ANKH: variants seen among roughly 807,000 people sequenced by gnomAD.
The protein encoded by ANKH is mineralization regulator ANKH.
Under a neutral mutation model 49.0 loss-of-function variants are expected in ANKH, and 15 were observed. The observed-to-expected ratio is 0.31, with a 90% CI of 0.20 to 0.47. The LOEUF is 0.47. Among genes scored for constraint, ANKH ranks in the 20% least tolerant of loss-of-function variants. The pLI is 1.00. For synonymous variants in ANKH, 273 were observed against 260.0 expected (o/e 1.05, Z -0.48); for missense variants, 429 against 652.0 (o/e 0.66, Z 3.72).
At chr5:14,845,576 G>C (rs1321402999) in intron 1 of ANKH, among the ~76,000 whole-genome samples, 1 of 152,110 alleles carries the variant, frequency 6.6e-6, no homozygotes, top group East Asian at 1.9e-4. Flanking sequence ...AGGGACTTGA[G>C]AGGAAGTTGT....
At chr5:14,847,918 G>A (rs564583426) in intron 1 of ANKH, among the ~76,000 whole-genome samples, 13 of 152,266 alleles carry the variant, frequency 8.5e-5, no homozygotes, top group African/African-American at 2.4e-4. Context: ...TGAGGTGGGC[G>A]GATAACTTGA....
rs148696385 is a variant in ANKH, at chr5:14,750,698, C to T, written c.687+371G>A. ...AAAGCCTGGATCCCTGCTGTAAAAT[C>T]AAACACAATGAAATATAAACTCAAA... On this transcript the variant is annotated intron_variant, in intron 5 of 11. Coordinates refer to ENST00000284268, the MANE Select transcript of ANKH (RefSeq NM_054027.6). Among the ~76,000 whole-genome samples, 964 of 152,306 alleles carry T rather than the reference C, an allele frequency of 6.3e-3. 6 individuals carry two copies. The highest frequency in any genetic ancestry group is 0.021 in the African/African-American group (874 of 41,562).
At chr5:14,845,208 C>T (rs567977173) in intron 1 of ANKH, among the ~76,000 whole-genome samples, 26 of 152,024 alleles carry the variant, frequency 1.7e-4, no homozygotes, top group South Asian at 1.5e-3. Flanking sequence ...CTTTATTTAA[C>T]GAGTATATAT....
At chr5:14,835,333 T>C (rs552340352) in intron 1 of ANKH, among the ~76,000 whole-genome samples, 5 of 152,332 alleles carry the variant, frequency 3.3e-5, no homozygotes, top group Admixed American at 1.3e-4. Context: ...TGGAAGAGTC[T>C]GTTCCATTGT....
intron 1 of ANKH, among the ~76,000 whole-genome samples, chr5:14,867,685 G>T (rs932433960): frequency 2.6e-5 from 4 of 151,982 alleles, no homozygotes; most frequent in African/African-American, 9.6e-5. Context: ...TCAGCCTCCC[G>T]AGTAGCTGGG....
chr5:14,828,587 C>T (rs991089278), intron 1 of ANKH, among the ~76,000 whole-genome samples: 31 of 151,918 alleles, frequency 2.0e-4, no homozygotes, highest in Admixed American at 2.0e-3. Flanking sequence ...TTTCTTTCTT[C>T]TTCTTTTTTT....
At chr5:14,714,986 A>G (rs953058446) in intron 9 of ANKH, among the ~76,000 whole-genome samples, 2 of 152,134 alleles carry the variant, frequency 1.3e-5, no homozygotes, top group African/African-American at 2.4e-5. Context: ...CCCTGTGTCT[A>G]CCCAACAAGT....
At chr5:14,762,912 T>C (rs778165811) in intron 2 of ANKH, among the ~76,000 whole-genome samples, 2 of 152,126 alleles carry the variant, frequency 1.3e-5, no homozygotes, top group South Asian at 2.1e-4. Context: ...TTAAACAAGG[T>C]TTTTGAACAG....
At chr5:14,834,178 C>T (rs1427264446) in intron 1 of ANKH, among the ~76,000 whole-genome samples, 22 of 152,136 alleles carry the variant, frequency 1.4e-4, no homozygotes, top group Non-Finnish European at 1.6e-4. Flanking sequence ...TGTCTGGGCA[C>T]AGACAAGAGC....
chr5:14,743,742 A>G (rs532010058), intron 7 of ANKH, among the ~76,000 whole-genome samples: 37 of 152,332 alleles, frequency 2.4e-4, no homozygotes, highest in African/African-American at 8.9e-4. Flanking sequence ...GAATGCTTGG[A>G]AACAATGGGC....
chr5:14,724,655 A>G, intron 8 of ANKH: 1 of 848,432 alleles, frequency 1.2e-6, no homozygotes, highest in Non-Finnish European at 1.4e-6. Context: ...AGAGTGGGCC[A>G]TGCATGGTCC....
intron 1 of ANKH, among the ~76,000 whole-genome samples, chr5:14,854,404 G>A (rs1478351269): frequency 6.6e-6 from 1 of 152,212 alleles, no homozygotes; most frequent in African/African-American, 2.4e-5. Context: ...TGGTAGCCGG[G>A]CATGGTGGCT....
chr5:14,854,890 C>G (rs532208240), intron 1 of ANKH, among the ~76,000 whole-genome samples: 1 of 152,226 alleles, frequency 6.6e-6, no homozygotes, highest in South Asian at 2.1e-4. Flanking sequence ...TGCCTTTGGT[C>G]TCACCTCCCT....
At chr5:14,717,642 A>G (rs1737520393) in intron 8 of ANKH, among the ~76,000 whole-genome samples, 1 of 152,216 alleles carries the variant, frequency 6.6e-6, no homozygotes, top group South Asian at 2.1e-4. Context: ...TTGACAGGAA[A>G]CAGGAGGTTA....
chr5:14,752,274 C>T (rs1349720908), intron 4 of ANKH, among the ~76,000 whole-genome samples: 2 of 152,118 alleles, frequency 1.3e-5, no homozygotes, highest in Non-Finnish European at 2.9e-5. Flanking sequence ...CGTGCCACTG[C>T]ACTCCAGCCT....
At chr5:14,728,944 C>T (rs528320379) in intron 8 of ANKH, among the ~76,000 whole-genome samples, 16 of 152,286 alleles carry the variant, frequency 1.1e-4, no homozygotes, top group East Asian at 1.9e-4. Context: ...CACCAGGGCG[C>T]GGAAGGCCCT....
chr5:14,824,085 C>T (rs570209528), intron 1 of ANKH, among the ~76,000 whole-genome samples: 5 of 152,262 alleles, frequency 3.3e-5, no homozygotes, highest in African/African-American at 1.2e-4. Context: ...CAGACAAAAA[C>T]CCATCTCCAT....
At chr5:14,818,405 T>C (rs965242651) in intron 1 of ANKH, among the ~76,000 whole-genome samples, 1 of 151,988 alleles carries the variant, frequency 6.6e-6, no homozygotes, top group African/African-American at 2.4e-5. Context: ...TTTGGGGGGC[T>C]GAGGCAGGTA....
At position 14,708,555 on chromosome 5, in the gene ANKH, CAT is replaced by C. The variant is rs1283170718; in HGVS notation, c.*2640_*2641del. ...GGTCACCCTCCCTGGTTTGATCTCTCATGTCTAGCTGGATGATGGGACTCGAT... is the reference window on the plus strand; with the variant it reads ...GGTCACCCTCCCTGGTTTGATCTCTCGTCTAGCTGGATGATGGGACTCGAT... On this transcript the variant is annotated 3_prime_UTR_variant, in exon 12 of 12. Coordinates refer to ENST00000284268, the MANE Select transcript of ANKH (RefSeq NM_054027.6). 2 of 152,238 alleles carry C rather than the reference CAT, an allele frequency of 1.3e-5. No homozygotes were observed. The highest frequency in any genetic ancestry group is 4.8e-5 in the African/African-American group (2 of 41,462). 9.4% of individuals were successfully genotyped at this position (152,238 alleles called of 1,614,324 possible).
Sources: gnomAD v4.1 joint callset for allele counts (sites outside exome capture counted in the v4.1 genomes callset) on GRCh38, gnomAD v4.1.1 for gene constraint, MANE v1.5 for transcripts, NCBI Gene and HGNC (gene_info 2026-07-23, HGNC 2026-07-21) for gene names.